The following TEK variants were observed in gnomAD, a reference collection of about 807,000 sequenced individuals.
TEK encodes the protein angiopoietin-1 receptor.
Under a neutral mutation model 131.8 loss-of-function variants are expected in TEK, and 43 were observed. That is an observed-to-expected ratio of 0.33 (90% CI 0.26 to 0.42). The LOEUF (loss-of-function observed/expected upper bound fraction) is 0.42. Ranked by LOEUF, TEK falls within the 10% of genes least tolerant of loss-of-function variation. The pLI, the probability that TEK is intolerant of heterozygous loss-of-function variation, is 1.00. For missense variants in TEK, 1,162 were observed against 1,384.4 expected, an observed-to-expected ratio of 0.84 and a Z score of 2.55; for synonymous variants, 580 against 491.6, an observed-to-expected ratio of 1.18 and a Z score of -2.38.
At chr9:27,139,438 C>T (rs1822637820) in intron 1 of TEK, among the ~76,000 whole-genome samples, 2 of 147,024 alleles carry the variant, frequency 1.4e-5, no homozygotes. Flanking sequence ...AGCGATCCTG[C>T]CTCAGCCTCC....
intron 20 of TEK, among the ~76,000 whole-genome samples, chr9:27,219,081 A>C (rs114207534): frequency 8.8e-4 from 130 of 147,068 alleles, no homozygotes; most frequent in African/African-American, 3.3e-3. Flanking sequence ...TTGCCAGGTT[A>C]ACTTCTAAAA....
chr9:27,159,533 C>T (rs1396204770), intron 2 of TEK, among the ~76,000 whole-genome samples: 1 of 152,112 alleles, frequency 6.6e-6, no homozygotes, highest in Non-Finnish European at 1.5e-5. Flanking sequence ...GTACCCAGGT[C>T]CAGCTCAGAA....
intron 7 of TEK, among the ~76,000 whole-genome samples, chr9:27,182,444 A>G (rs973032416): frequency 6.6e-6 from 1 of 152,206 alleles, no homozygotes; most frequent in Admixed American, 6.6e-5. Context: ...GTTTACAGAT[A>G]TATCAAGGAA....
At chr9:27,181,310 G>A (rs1824363907) in intron 7 of TEK, among the ~76,000 whole-genome samples, 1 of 151,932 alleles carries the variant, frequency 6.6e-6, no homozygotes, top group Non-Finnish European at 1.5e-5. Context: ...AGGCTACACA[G>A]TTTGTCTGTG....
intron 1 of TEK, among the ~76,000 whole-genome samples, chr9:27,138,070 C>T (rs997568804): frequency 6.6e-6 from 1 of 152,052 alleles, no homozygotes; most frequent in Non-Finnish European, 1.5e-5. Context: ...TTGTTTGTTC[C>T]TTCCGGTGGG....
intron 1 of TEK, among the ~76,000 whole-genome samples, chr9:27,137,289 C>T (rs1283355692): frequency 2.0e-5 from 3 of 152,168 alleles, no homozygotes; most frequent in African/African-American, 7.2e-5. Flanking sequence ...TGTGCTATTA[C>T]AATTGTGATT....
At chr9:27,139,395 T>G (rs1822635859) in intron 1 of TEK, among the ~76,000 whole-genome samples, 1 of 135,612 alleles carries the variant, frequency 7.4e-6, no homozygotes, top group Non-Finnish European at 1.6e-5. Context: ...TGGTGCAATC[T>G]CGGCTCAATG....
At chr9:27,136,412 G>A (rs1215763708) in intron 1 of TEK, among the ~76,000 whole-genome samples, 4 of 152,116 alleles carry the variant, frequency 2.6e-5, no homozygotes, top group Non-Finnish European at 5.9e-5. Context: ...CTCTGACACT[G>A]AGCTGCGGCT....
chr9:27,192,495 A>G lies in TEK; in HGVS notation c.1496A>G (p.Asn499Ser). Residue 499 changes from asparagine to serine, a missense_variant, in exon 11 of 23, where the codon AAT becomes AGT. Coordinates refer to ENST00000380036, the MANE Select transcript of TEK (RefSeq NM_000459.5). ...YEAWQHIQVT[N>S]EIVTLNYLEP... ...GGACGTTTTCTCTTCTCAGTGACAA[A>G]TGAGATTGTTACACTCAACTATTTG... 1 of 1,613,950 alleles carries G rather than the reference A, an allele frequency of 6.2e-7. No individual in the cohort carries two copies. The highest frequency in any genetic ancestry group is 8.5e-7 in the Non-Finnish European group (1 of 1,179,906).
chr9:27,148,135 T>C (rs902818204), intron 1 of TEK, among the ~76,000 whole-genome samples: 25 of 152,252 alleles, frequency 1.6e-4, no homozygotes, highest in Admixed American at 4.6e-4. Flanking sequence ...AACTTTTCAG[T>C]TATTGTAGAT....
intron 1 of TEK, among the ~76,000 whole-genome samples, chr9:27,119,554 G>A (rs984380756): frequency 6.6e-6 from 1 of 152,164 alleles, no homozygotes; most frequent in African/African-American, 2.4e-5. Flanking sequence ...TGGGGACAAG[G>A]TGAGAGAGGC....
chr9:27,177,688 T>C (rs1824221331), intron 6 of TEK, among the ~76,000 whole-genome samples: 1 of 152,032 alleles, frequency 6.6e-6, no homozygotes, highest in Admixed American at 6.6e-5. Context: ...AGGTGGAGGT[T>C]GTGGTGAGCT....
intron 1 of TEK, among the ~76,000 whole-genome samples, chr9:27,117,401 C>A (rs955057949): frequency 2.0e-5 from 3 of 152,138 alleles, no homozygotes; most frequent in Admixed American, 6.5e-5. Flanking sequence ...CTATTCTTAC[C>A]CATCTGGCCA....
At chr9:27,120,640 A>C (rs1343389015) in intron 1 of TEK, among the ~76,000 whole-genome samples, 1 of 152,214 alleles carries the variant, frequency 6.6e-6, no homozygotes, top group Non-Finnish European at 1.5e-5. Context: ...CCGCAAATGA[A>C]AAGGGGAGGC....
chr9:27,229,089 G>C (rs1826456004), intron 22 of TEK, 69 bp from the exon 23 acceptor site: 5 of 1,424,136 alleles, frequency 3.5e-6, no homozygotes, highest in Non-Finnish European at 5.0e-6. Context: ...CCAAGGTATT[G>C]CTGTAACTGC....
intron 16 of TEK, among the ~76,000 whole-genome samples, chr9:27,211,120 TA>T (rs35005991): frequency 4.4e-5 from 6 of 137,152 alleles, no homozygotes; most frequent in African/African-American, 5.1e-5. Flanking sequence ...AGACTCAGTT[TA>T]AAAAAAAATA....
intron 21 of TEK, among the ~76,000 whole-genome samples, chr9:27,221,512 A>G (rs986117474): frequency 6.6e-6 from 1 of 151,918 alleles, no homozygotes; most frequent in African/African-American, 2.4e-5. Flanking sequence ...TCGACAGGAC[A>G]TCTTATACAG....
In TEK at chr9:27,186,191, T is replaced by C. The variant is rs147599384; in HGVS notation, c.1327+562T>C. Among the ~76,000 whole-genome samples, 429 of 152,330 alleles carry C rather than the reference T, an allele frequency of 2.8e-3. 4 individuals carry two copies. Among genetic ancestry groups the C allele is most frequent in the African/African-American group, 9.3e-3 (387 of 41,578 alleles). The stretch of plus-strand genomic sequence containing the variant: ...TGTGGGCATTTTTCCTGCTATAAAT[T>C]AGTATTTCAAAATTCAAATTAATCT... On this transcript the variant is annotated intron_variant, in intron 9 of 22. Transcript: ENST00000380036.
chr9:27,215,410 C>T (rs1239321372), intron 18 of TEK, among the ~76,000 whole-genome samples: 2 of 152,130 alleles, frequency 1.3e-5, no homozygotes, highest in Non-Finnish European at 2.9e-5. Flanking sequence ...AACACAGTGG[C>T]TACCTTCTCT....
Sources: allele counts gnomAD v4.1 joint callset (sites outside exome capture counted in the v4.1 genomes callset), GRCh38; gene constraint gnomAD v4.1.1; transcripts MANE v1.5; gene names NCBI Gene and HGNC (gene_info 2026-07-23, HGNC 2026-07-21).